Variants in SLC44A4 observed in about 807,000 individuals in gnomAD.
SLC44A4 encodes the protein solute carrier family 44 member 4.
Under a neutral mutation model 97.0 loss-of-function variants are expected in SLC44A4, and 74 were observed. The observed-to-expected ratio is 0.76, with a 90% CI of 0.63 to 0.93. The LOEUF (loss-of-function observed/expected upper bound fraction) is 0.93, where lower values mean the gene tolerates loss of function less well. SLC44A4 is among the 40% of genes least tolerant of loss of function. SLC44A4 has a pLI of 0.00. For synonymous variants in SLC44A4, 325 were observed against 363.8 expected (o/e 0.89, Z 1.21); for missense variants, 799 against 902.9 (o/e 0.88, Z 1.48).
rs1362507341 is a variant in SLC44A4, at chr6:31,874,718, C to T, written c.468+3G>A. On this transcript the variant is annotated splice_donor_region_variant and intron_variant, in intron 6 of 20. Transcript: ENST00000229729. The surrounding 1 kb of genome is among the most constrained non-coding windows in gnomAD (Gnocchi z 4.8). Reference sequence around the variant, plus strand: ...CAGTGATGAGGTTAGGGGCAATATTCACCATATTCCAGGGTACCCCTGGCA... The same window carrying T: ...CAGTGATGAGGTTAGGGGCAATATTTACCATATTCCAGGGTACCCCTGGCA... 1 of 1,607,324 alleles carries T rather than the reference C, an allele frequency of 6.2e-7. No individual in the cohort carries two copies. Among genetic ancestry groups the T allele is most frequent in the East Asian group, 2.2e-5 (1 of 44,876 alleles).
In SLC44A4 at chr6:31,878,903, C is replaced by T; in HGVS notation, c.40+38G>A. The T allele has an allele frequency of 6.2e-7, 1 of 1,609,946 alleles. No homozygotes were observed. The highest frequency in any genetic ancestry group is 8.5e-7 in the Non-Finnish European group (1 of 1,176,308). On this transcript the variant is annotated intron_variant, in intron 1 of 20. Coordinates refer to ENST00000229729, the MANE Select transcript of SLC44A4 (RefSeq NM_025257.3). This position sits in a 1 kb window ranked among gnomAD's most constrained non-coding sequence, Gnocchi z 4.0. ...CCATTCCCAAAGTACCCGTCCTCCCCTCCCTCCACAGGGTCCCGGGCCTCG... is the reference window on the plus strand; with the variant it reads ...CCATTCCCAAAGTACCCGTCCTCCCTTCCCTCCACAGGGTCCCGGGCCTCG...
chr6:31,876,088 A>C lies in SLC44A4; in HGVS notation c.131T>G (p.Phe44Cys). ...DVICCVLFLL[F>C]ILGYIVVGIV... Reference sequence around the variant, plus strand: ...CCCCACCACGATGTAACCTAGAATGAAGAGCAGGAAGAGGACGCAGCAGAT... The same window carrying C: ...CCCCACCACGATGTAACCTAGAATGCAGAGCAGGAAGAGGACGCAGCAGAT... Residue 44 changes from phenylalanine (F) to cysteine (C), a missense_variant, in exon 3 of 21, where the codon TTC (phenylalanine) becomes TGC (cysteine). Around this residue, in one of 3 missense-constraint regions of SLC44A4, gnomAD observed 409 missense variants for 434.1 expected, o/e 0.94. Transcript: ENST00000229729. The surrounding 1 kb of genome is among the most constrained non-coding windows in gnomAD (Gnocchi z 4.8). The C allele has an allele frequency of 6.2e-7, 1 of 1,614,000 alleles. No homozygotes were observed. Among genetic ancestry groups the C allele is most frequent in the Non-Finnish European group, 8.5e-7 (1 of 1,179,984 alleles).
At position 31,876,515 on chromosome 6, in the gene SLC44A4, G is replaced by A. The variant is rs2151571917; in HGVS notation, c.90-386C>T. 1.3e-5 allele frequency among the ~76,000 whole-genome samples: 2 copies of A among 152,278 alleles called. No individual in the cohort carries two copies. Among genetic ancestry groups the A allele is most frequent in the South Asian group, 2.1e-4 (1 of 4,830 alleles). The stretch of plus-strand genomic sequence containing the variant: ...TGTAATACTAGCTACTTGGGAGGCT[G>A]AGGCAGGGCAATCCCTTGAGGCCAG... On this transcript the variant is annotated intron_variant, in intron 2 of 20. Transcript: ENST00000229729. This position sits in a 1 kb window ranked among gnomAD's most constrained non-coding sequence, Gnocchi z 4.8.
rs1365260534 is a variant in SLC44A4, at chr6:31,877,219, G to A, written c.41-137C>T. On this transcript the variant is annotated intron_variant, in intron 1 of 20. Transcript: ENST00000229729. This position sits in a 1 kb window ranked among gnomAD's most constrained non-coding sequence, Gnocchi z 6.5. ...TGGGCTAGGGCAGGACTGGCAGGAG[G>A]GGAAAACTGGGGAGCAGGAAAGGTA... The A allele has an allele frequency of 2.4e-6, 2 of 820,636 alleles. No individual in the cohort carries two copies. The highest frequency in any genetic ancestry group is 3.9e-6 in the Non-Finnish European group (2 of 518,518). 50.8% of individuals were successfully genotyped at this position (820,636 alleles called of 1,614,324 possible). A position where few individuals can be genotyped will look rare whatever the true frequency, so the allele number is the denominator to read the frequency against.
intron 4 of SLC44A4, 67 bp downstream of exon 4, chr6:31,875,785 G>C (rs1460047727): frequency 5.7e-6 from 8 of 1,403,452 alleles, no homozygotes; most frequent in Middle Eastern, 2.6e-4. Flanking sequence ...GCCTGAGTTG[G>C]GGGGGTGTCT....
At position 31,874,646 on chromosome 6, in the gene SLC44A4, A is replaced by T; in HGVS notation, c.468+75T>A. The T allele has an allele frequency of 6.4e-7, 1 of 1,563,984 alleles. No individual in the cohort carries two copies. The highest frequency in any genetic ancestry group is 1.8e-5 in the Admixed American group (1 of 54,464). ...AGGAGAGCCAACCTGGTGATGATCT[A>T]CCCAACTCCCCCTCCCTCTCGTGCC... is the stretch of plus-strand genomic sequence containing the variant. On this transcript the variant is annotated intron_variant, in intron 6 of 20. Transcript: ENST00000229729. This position sits in a 1 kb window ranked among gnomAD's most constrained non-coding sequence, Gnocchi z 4.8.
At chr6:31,863,771 T>A in intron 20 of SLC44A4, 23 bp from the exon 21 acceptor site, 1 of 1,611,740 alleles carries the variant, frequency 6.2e-7, no homozygotes, top group South Asian at 1.1e-5. Flanking sequence ...AGAGACCGGT[T>A]AGAGCGGACC....
In SLC44A4 at chr6:31,878,890, T is replaced by C; in HGVS notation, c.40+51A>G. ...CCAGCCCCAGACACCATTCCCAAAG[T>C]ACCCGTCCTCCCCTCCCTCCACAGG... On this transcript the variant is annotated intron_variant, in intron 1 of 20. Coordinates refer to ENST00000229729, the MANE Select transcript of SLC44A4 (RefSeq NM_025257.3). The surrounding 1 kb of genome is among the most constrained non-coding windows in gnomAD (Gnocchi z 4.0). 6.3e-7 allele frequency: 1 copy of C among 1,594,866 alleles called. No individual in the cohort carries two copies. The highest frequency in any genetic ancestry group is 8.6e-7 in the Non-Finnish European group (1 of 1,162,782).
In SLC44A4 at chr6:31,867,276, G is replaced by A. The variant is rs35421785; in HGVS notation, c.1234-1150C>T. On this transcript the variant is annotated intron_variant, in intron 13 of 20. Transcript: ENST00000229729. ...AAAATCTTTTTTTTTTTTTTGAGAT[G>A]GAGTCTCACTCTGTCACCATATTGG... 8.8e-3 allele frequency among the ~76,000 whole-genome samples: 1,306 copies of A among 148,412 alleles called. 7 individuals carry two copies. The highest frequency in any genetic ancestry group is 0.035 in the South Asian group (164 of 4,664).
Position 31,877,137 on chromosome 6 carries a change from C to A in SLC44A4, c.41-55G>T. 1 of 1,550,648 alleles carries A rather than the reference C, an allele frequency of 6.4e-7. No homozygotes were observed. The highest frequency in any genetic ancestry group is 1.7e-4 in the Middle Eastern group (1 of 5,770). On this transcript the variant is annotated intron_variant, in intron 1 of 20. Transcript: ENST00000229729. This position sits in a 1 kb window ranked among gnomAD's most constrained non-coding sequence, Gnocchi z 6.5. The stretch of plus-strand genomic sequence containing the variant: ...TGAGTCTCTCTCTGCATATCTTGTC[C>A]TGCTGAGTCCTCCTAGCCCCAGGAT...
At chr6:31,871,967 A>G (rs1381855276) in intron 7 of SLC44A4, among the ~76,000 whole-genome samples, 3 of 151,996 alleles carry the variant, frequency 2.0e-5, no homozygotes, top group Admixed American at 1.3e-4. Context: ...CCAGGCTTCC[A>G]GGCTCTCCTG....
Position 31,870,983 on chromosome 6 carries a change from G to GC in SLC44A4, c.765dup (p.Pro256AlafsTer65). On this transcript the variant is annotated frameshift_variant, in exon 10 of 21. Coordinates refer to ENST00000229729, the MANE Select transcript of SLC44A4 (RefSeq NM_025257.3). LOFTEE classifies it high-confidence loss of function. ...CCCAGGATCAGCACCAGCACCAGGG[G>GC]CCCAGCCACCAGGCGCAGAAGCAAG... The GC allele has an allele frequency of 6.2e-7, 1 of 1,612,828 alleles. No homozygotes were observed. The highest frequency in any genetic ancestry group is 8.5e-7 in the Non-Finnish European group (1 of 1,179,962).
chr6:31,864,441 T>C, intron 20 of SLC44A4: 1 of 601,762 alleles, frequency 1.7e-6, no homozygotes, highest in Non-Finnish European at 2.9e-6. Context: ...ATCAGAATGC[T>C]CCTTCTTTGG....
chr6:31,868,337 G>A (rs529707903), intron 13 of SLC44A4, among the ~76,000 whole-genome samples: 1 of 152,348 alleles, frequency 6.6e-6, no homozygotes, highest in African/African-American at 2.4e-5. Flanking sequence ...TGTTCCAAGG[G>A]AGTAAGACTT....
intron 13 of SLC44A4, among the ~76,000 whole-genome samples, chr6:31,868,326 G>A (rs1442440529): frequency 6.6e-6 from 1 of 152,236 alleles, no homozygotes; most frequent in African/African-American, 2.4e-5. Flanking sequence ...CTAGGGCTCT[G>A]TGTTCCAAGG....
rs573283589 is a variant in SLC44A4 at position 31,869,631 on chromosome 6, C to T, written c.1044G>A (p.Val348=). The change falls in exon 12 of 21, where the codon GTG becomes GTA. Residue 348 remains valine, a synonymous_variant. Coordinates refer to ENST00000229729, the MANE Select transcript of SLC44A4 (RefSeq NM_025257.3). The part of the protein sequence containing the change: ...IALLKEASKA[V]GQMMSTMFYP... ...AGAACATGGTAGACATCATCTGTCCCACAGCCCTGCAGGGAGACAAAGCTG... is the reference window on the plus strand; with the variant it reads ...AGAACATGGTAGACATCATCTGTCCTACAGCCCTGCAGGGAGACAAAGCTG... The T allele has an allele frequency of 1.4e-5, 22 of 1,599,066 alleles. No individual in the cohort carries two copies. In the African/African-American group the frequency reaches 2.0e-4, roughly 15 times the overall value.
Position 31,864,824 on chromosome 6 carries a change from G to A in SLC44A4, c.1918C>T (p.Pro640Ser). The A allele has an allele frequency of 6.2e-7, 1 of 1,614,056 alleles. No homozygotes were observed. The highest frequency in any genetic ancestry group is 1.1e-5 in the South Asian group (1 of 91,084). Residue 640 changes from proline (P) to serine (S), a missense_variant, in exon 19 of 21, where the codon CCC becomes TCC. By Grantham distance (74) the Pro-to-Ser change is moderately conservative (BLOSUM62 -1). Around this residue, in one of 3 missense-constraint regions of SLC44A4, gnomAD observed 379 missense variants for 438.3 expected, o/e 0.86. Coordinates refer to ENST00000229729, the MANE Select transcript of SLC44A4 (RefSeq NM_025257.3). ...AGAGGGGAGTCACTCACCATGATGGGCAGCCAGTAATAGTTGAGGTGGGGG... is the reference window on the plus strand; with the variant it reads ...AGAGGGGAGTCACTCACCATGATGGACAGCCAGTAATAGTTGAGGTGGGGG... ...KSPHLNYYWL[P>S]IMTSILGAYV... is the part of the protein sequence containing the mutation.
chr6:31,863,772 A>G (rs767873867), intron 20 of SLC44A4, 24 bp from the exon 21 acceptor site: 2 of 1,611,732 alleles, frequency 1.2e-6, no homozygotes, highest in African/African-American at 1.3e-5. Flanking sequence ...GAGACCGGTT[A>G]GAGCGGACCC....
rs1227183287 is a variant in SLC44A4, at chr6:31,874,376, A to T, written c.529+84T>A. On this transcript the variant is annotated intron_variant, in intron 7 of 20. Coordinates refer to ENST00000229729, the MANE Select transcript of SLC44A4 (RefSeq NM_025257.3). The surrounding 1 kb of genome is among the most constrained non-coding windows in gnomAD (Gnocchi z 4.8). ...TGCCACCAACAAGCTATGTGACTTC[A>T]CTCTCTCTGGGCCTGATTTCTTCAT... The T allele has an allele frequency of 1.6e-4, 221 of 1,373,484 alleles. 1 individual carries two copies. The highest frequency in any genetic ancestry group is 1.6e-4 in the Non-Finnish European group (152 of 968,792). The allele number at this position is 1,373,484 out of a possible 1,614,324, so 85.1% of individuals were successfully genotyped here.
Sources: allele counts gnomAD v4.1 joint callset (sites outside exome capture counted in the v4.1 genomes callset), GRCh38; gene constraint gnomAD v4.1.1; regional missense constraint gnomAD v4.1.1; non-coding constraint Gnocchi (gnomAD v3.1); transcripts MANE v1.5; gene names NCBI Gene and HGNC (gene_info 2026-07-23, HGNC 2026-07-21).